The following ELMO1 variants were observed in gnomAD, a reference collection of about 807,000 sequenced individuals.
ELMO1 encodes engulfment and cell motility protein 1.
ELMO1 carries 26 observed loss-of-function variants against 98.9 expected under a neutral mutation model. The ratio of observed to expected loss-of-function variants is 0.26; its 90% CI spans 0.19 to 0.36. ELMO1 has a LOEUF of 0.36. Among genes scored for constraint, ELMO1 ranks in the 10% least tolerant of loss-of-function variants. The pLI is 1.00. For missense variants in ELMO1, 627 were observed against 935.2 expected (o/e 0.67, Z 4.30); for synonymous variants, 346 against 346.0 (o/e 1.00, Z 0.00).
chr7:37,342,810 T>A lies in ELMO1; in HGVS notation c.-73-47A>T. ...AGAAAGAGAAGTCACTCAGTGCAGA[T>A]GCAGGGTGAATTTTGCTTCATCACT... On this transcript the variant is annotated intron_variant, in intron 1 of 21. Transcript: ENST00000310758. The surrounding 1 kb of genome is among the most constrained non-coding windows in gnomAD (Gnocchi z 4.3). 1.1e-6 allele frequency: 1 copy of A among 929,614 alleles called. No individual in the cohort carries two copies. Among genetic ancestry groups the A allele is most frequent in the South Asian group, 1.7e-5 (1 of 58,862 alleles). The allele number at this position is 929,614 out of a possible 1,614,324, so 57.6% of individuals were successfully genotyped here. A position where few individuals can be genotyped will look rare whatever the true frequency, so the allele number is the denominator to read the frequency against.
intron 16 of ELMO1, chr7:36,984,947 C>T (rs950325364): frequency 3.0e-6 from 3 of 985,396 alleles, no homozygotes; most frequent in Non-Finnish European, 3.6e-6. Context: ...GATTATAACT[C>T]GTCTGGAATC....
chr7:37,188,058 A>G (rs576201456), intron 13 of ELMO1, among the ~76,000 whole-genome samples: 2 of 152,220 alleles, frequency 1.3e-5, no homozygotes, highest in East Asian at 3.9e-4. Flanking sequence ...GTGCATTAAA[A>G]TCTTGTCTTC....
intron 13 of ELMO1, among the ~76,000 whole-genome samples, chr7:37,165,262 T>G (rs927136703): frequency 6.6e-6 from 1 of 152,178 alleles, no homozygotes; most frequent in African/African-American, 2.4e-5. Flanking sequence ...TTTCTAGATA[T>G]TCAATCATGT....
chr7:37,268,689 G>T (rs1796393330), intron 5 of ELMO1, among the ~76,000 whole-genome samples: 1 of 152,212 alleles, frequency 6.6e-6, no homozygotes, highest in South Asian at 2.1e-4. Context: ...ACTGTCTAAA[G>T]ATGTACCATG....
intron 4 of ELMO1, among the ~76,000 whole-genome samples, chr7:37,289,798 TA>T (rs1375670050): frequency 6.6e-6 from 1 of 152,166 alleles, no homozygotes. Context: ...GGAGTGAAAT[TA>T]AAATCTGAGG....
chr7:37,304,900 G>C (rs1207427714), intron 4 of ELMO1, among the ~76,000 whole-genome samples: 1 of 152,138 alleles, frequency 6.6e-6, no homozygotes, highest in Non-Finnish European at 1.5e-5. Context: ...GCATTCAGTT[G>C]TTCCTCGGTT....
chr7:37,017,576 C>T (rs991591896), intron 15 of ELMO1, among the ~76,000 whole-genome samples: 1 of 152,160 alleles, frequency 6.6e-6, no homozygotes, highest in Non-Finnish European at 1.5e-5. Context: ...GGCCTTTTGT[C>T]TCTGCCTCCC....
intron 16 of ELMO1, among the ~76,000 whole-genome samples, chr7:36,926,749 T>C (rs1170713007): frequency 3.9e-5 from 6 of 152,246 alleles, no homozygotes. Context: ...TGTTTCCATT[T>C]AGTAACTCAT....
At chr7:36,897,304 T>A (rs564796797) in intron 16 of ELMO1, among the ~76,000 whole-genome samples, 1 of 39,952 alleles carries the variant, frequency 2.5e-5, no homozygotes, top group Non-Finnish European at 6.0e-5. Flanking sequence ...CCAATGTCAG[T>A]AGTAGGACAA....
rs570134747 is a variant in ELMO1 at position 37,228,768 on chromosome 7, C to T, written c.550-3738G>A. On this transcript the variant is annotated intron_variant, in intron 8 of 21. Coordinates refer to ENST00000310758, the MANE Select transcript of ELMO1 (RefSeq NM_014800.11). ...CTGTAATCCCAGAACTTTGGGAGGC[C>T]GAGGCGGGTGGATCACGAGGTCAGG... 1.1e-4 allele frequency among the ~76,000 whole-genome samples: 17 copies of T among 152,098 alleles called. 1 individual carries two copies. The highest frequency in any genetic ancestry group is 9.2e-4 in the Admixed American group (14 of 15,274).
chr7:37,286,610 G>T (rs1797402115), intron 4 of ELMO1, among the ~76,000 whole-genome samples: 1 of 152,122 alleles, frequency 6.6e-6, no homozygotes, highest in South Asian at 2.1e-4. Flanking sequence ...TCATAAAAAG[G>T]AGGCAGCTTC....
intron 16 of ELMO1, among the ~76,000 whole-genome samples, chr7:36,897,996 T>A (rs530798799): frequency 6.6e-6 from 1 of 152,340 alleles, no homozygotes; most frequent in African/African-American, 2.4e-5. Context: ...CTACTTCACT[T>A]CACAGTTTTG....
intron 15 of ELMO1, among the ~76,000 whole-genome samples, chr7:37,090,120 C>T (rs924455968): frequency 6.6e-6 from 1 of 152,162 alleles, no homozygotes; most frequent in Non-Finnish European, 1.5e-5. Context: ...AGACACAGAA[C>T]AGAAAGATGA....
chr7:37,221,612 C>T (rs1193391143), intron 10 of ELMO1, among the ~76,000 whole-genome samples: 1 of 152,130 alleles, frequency 6.6e-6, no homozygotes, highest in Non-Finnish European at 1.5e-5. Flanking sequence ...TCCTTTCCTT[C>T]GTGAAGAAAG....
intron 1 of ELMO1, among the ~76,000 whole-genome samples, chr7:37,405,959 C>T (rs1803740063): frequency 6.6e-6 from 1 of 152,214 alleles, no homozygotes; most frequent in Non-Finnish European, 1.5e-5. Context: ...TCAACACTTG[C>T]TTCCCTTATC....
chr7:37,298,279 TTTTTTTTG>T (rs1798154493), intron 4 of ELMO1, among the ~76,000 whole-genome samples: 1 of 48,470 alleles, frequency 2.1e-5, no homozygotes. Flanking sequence ...GACTAGGAAG[TTTTTTTTG>T]TTTTTTTTTT....
chr7:37,436,246 G>A (rs117973866), intron 1 of ELMO1, among the ~76,000 whole-genome samples: 2,037 of 152,174 alleles, frequency 0.013, 20 homozygotes, highest in Non-Finnish European at 0.019. Context: ...CTATTTCAAG[G>A]TACACACCAA....
chr7:37,121,818 T>A (rs1786068816), intron 14 of ELMO1, among the ~76,000 whole-genome samples: 1 of 151,878 alleles, frequency 6.6e-6, no homozygotes, highest in Non-Finnish European at 1.5e-5. Context: ...CCAAGACACA[T>A]AATACACATA....
intron 14 of ELMO1, among the ~76,000 whole-genome samples, chr7:37,109,812 C>T (rs975054766): frequency 7.2e-5 from 11 of 152,258 alleles, no homozygotes; most frequent in Admixed American, 1.3e-4. Context: ...AACTCTTGGA[C>T]GCTTTCAGGT....
Sources: gnomAD v4.1 joint callset for allele counts (sites outside exome capture counted in the v4.1 genomes callset) on GRCh38, gnomAD v4.1.1 for gene constraint, Gnocchi (gnomAD v3.1) non-coding constraint, MANE v1.5 for transcripts, NCBI Gene and HGNC (gene_info 2026-07-23, HGNC 2026-07-21) for gene names.